The following CCBE1 variants were observed in gnomAD, a reference collection of about 807,000 sequenced individuals.
CCBE1 encodes the protein collagen and calcium binding EGF domains 1, also known as collagen and calcium-binding EGF domain-containing protein 1.
Under a neutral mutation model 50.0 loss-of-function variants are expected in CCBE1, and 37 were observed. That is an observed-to-expected ratio of 0.74 (90% CI 0.57 to 0.97). The LOEUF (loss-of-function observed/expected upper bound fraction) is 0.97, where lower values mean the gene tolerates loss of function less well. CCBE1 is among the 50% of genes least tolerant of loss of function. The pLI, the probability that CCBE1 is intolerant of heterozygous loss-of-function variation, is 0.00. For synonymous variants in CCBE1, 234 were observed against 203.7 expected, an observed-to-expected ratio of 1.15 and a Z score of -1.27; for missense variants, 538 against 523.8, an observed-to-expected ratio of 1.03 and a Z score of -0.26.
chr18:59,696,292 C>A (rs988470860), intron 2 of CCBE1, among the ~76,000 whole-genome samples: 1 of 152,180 alleles, frequency 6.6e-6, no homozygotes, highest in African/African-American at 2.4e-5. Flanking sequence ...AACACAAATA[C>A]GAAAGCAGCC....
At chr18:59,454,772 T>G in intron 6 of CCBE1, 79 bp downstream of exon 6, 1 of 1,179,980 alleles carries the variant, frequency 8.5e-7, no homozygotes, top group South Asian at 1.2e-5. Flanking sequence ...ATTTTCTTAT[T>G]TGTAAATATC....
At position 59,506,517 on chromosome 18, in the gene CCBE1, C is replaced by T. The variant is rs528057159; in HGVS notation, c.213-26279G>A. Among the ~76,000 whole-genome samples, 3 of 152,336 alleles carry T rather than the reference C, an allele frequency of 2.0e-5. No homozygotes were observed. In the South Asian group the frequency reaches 6.2e-4, roughly 32 times the overall value. ...AACCCCAGCAGAAGAAAACACTGTG[C>T]TGGGCAGACCACTTTCAGATGAGCA... On this transcript the variant is annotated intron_variant, in intron 2 of 10. Transcript: ENST00000439986.
At chr18:59,643,561 G>A (rs1436841567) in intron 2 of CCBE1, among the ~76,000 whole-genome samples, 1 of 152,204 alleles carries the variant, frequency 6.6e-6, no homozygotes, top group East Asian at 1.9e-4. Flanking sequence ...CACTTTGGAA[G>A]GCCGAGGTGG....
chr18:59,489,977 C>T (rs560631476), intron 2 of CCBE1, among the ~76,000 whole-genome samples: 9 of 142,496 alleles, frequency 6.3e-5, no homozygotes, highest in East Asian at 4.2e-4. Flanking sequence ...TACTTATATA[C>T]GCATAAGGAG....
At chr18:59,674,910 A>C (rs1198350284) in intron 2 of CCBE1, among the ~76,000 whole-genome samples, 1 of 152,232 alleles carries the variant, frequency 6.6e-6, no homozygotes, top group East Asian at 1.9e-4. Flanking sequence ...ATTTAGCTGT[A>C]AAACCTAAAC....
intron 2 of CCBE1, among the ~76,000 whole-genome samples, chr18:59,547,863 G>C (rs1334519906): frequency 6.6e-6 from 1 of 152,202 alleles, no homozygotes; most frequent in South Asian, 2.1e-4. Flanking sequence ...GATTCAGCAG[G>C]AGAAAACCGA....
At chr18:59,575,627 T>G (rs2052983845) in intron 2 of CCBE1, among the ~76,000 whole-genome samples, 1 of 152,078 alleles carries the variant, frequency 6.6e-6, no homozygotes. Context: ...CCTTGTAGAG[T>G]CTTGTGAATA....
chr18:59,671,114 T>A lies in CCBE1; in HGVS notation c.212+25515A>T, dbSNP rs188502410. On this transcript the variant is annotated intron_variant, in intron 2 of 10. Transcript: ENST00000439986. ...CTTTAATGATCATATTAAGGGAGAC[T>A]TAAGTATCACTGGGTTTGGGGAAAG... 8.5e-5 allele frequency among the ~76,000 whole-genome samples: 13 copies of A among 152,278 alleles called. No individual in the cohort carries two copies. The East Asian group carries it at 2.5e-3, about 29-fold the overall frequency.
rs1392121984 is a variant in CCBE1 at position 59,680,416 on chromosome 18, A to G, written c.212+16213T>C. ...TTGACAACGCATGTAAAGAACACCT[A>G]AAGGCCAGGCGCGGTGGTTTGCATG... On this transcript the variant is annotated intron_variant, in intron 2 of 10. Transcript: ENST00000439986. Among the ~76,000 whole-genome samples, 5 of 151,906 alleles carry G rather than the reference A, an allele frequency of 3.3e-5. No individual in the cohort carries two copies. In the East Asian group the frequency reaches 9.7e-4, roughly 29 times the overall value.
chr18:59,662,178 C>T (rs1368129605), intron 2 of CCBE1, among the ~76,000 whole-genome samples: 1 of 152,188 alleles, frequency 6.6e-6, no homozygotes, highest in Non-Finnish European at 1.5e-5. Context: ...CAAGACAGAA[C>T]TGCACAGACT....
At chr18:59,619,306 A>T (rs2053680906) in intron 2 of CCBE1, among the ~76,000 whole-genome samples, 1 of 152,114 alleles carries the variant, frequency 6.6e-6, no homozygotes, top group Non-Finnish European at 1.5e-5. Flanking sequence ...TTTATTTATC[A>T]TTATTATTTT....
chr18:59,518,652 A>G (rs556213091), intron 2 of CCBE1, among the ~76,000 whole-genome samples: 1 of 152,298 alleles, frequency 6.6e-6, no homozygotes, highest in East Asian at 1.9e-4. Context: ...ACGTGGATGA[A>G]GTGGACATTA....
chr18:59,517,883 GGGATT>G (rs1914441054), intron 2 of CCBE1, among the ~76,000 whole-genome samples: 1 of 152,196 alleles, frequency 6.6e-6, no homozygotes, highest in Non-Finnish European at 1.5e-5. Flanking sequence ...AAGGGGGCTG[GGGATT>G]CCCAAGATCA....
rs115277492 is a variant in CCBE1 at position 59,617,190 on chromosome 18, A to G, written c.212+79439T>C. On this transcript the variant is annotated intron_variant, in intron 2 of 10. Transcript: ENST00000439986. The stretch of plus-strand genomic sequence containing the variant: ...ATCATCATCACTGGAACATGGCATC[A>G]TATGATTTGGGGTTGAAAAAGTTAT... 4.1e-3 allele frequency among the ~76,000 whole-genome samples: 619 copies of G among 152,366 alleles called. 6 individuals carry two copies. The highest frequency in any genetic ancestry group is 0.014 in the African/African-American group (590 of 41,592).
chr18:59,575,611 G>C (rs1599027543), intron 2 of CCBE1, among the ~76,000 whole-genome samples: 1 of 152,322 alleles, frequency 6.6e-6, no homozygotes, highest in East Asian at 1.9e-4. Flanking sequence ...ATAAAGACCA[G>C]TTGACCCTTG....
intron 7 of CCBE1, among the ~76,000 whole-genome samples, chr18:59,442,651 C>G (rs1018562355): frequency 6.6e-5 from 10 of 152,102 alleles, no homozygotes; most frequent in Admixed American, 2.0e-4. Flanking sequence ...TCTCCTGAAC[C>G]TGGGAGGCAG....
intron 2 of CCBE1, among the ~76,000 whole-genome samples, chr18:59,552,319 C>A (rs79493913): frequency 0.046 from 7,032 of 152,262 alleles, 288 homozygotes; most frequent in African/African-American, 0.11. Context: ...ATTTTTCCCC[C>A]AGGATGTTCA....
At chr18:59,664,186 A>G (rs1296668634) in intron 2 of CCBE1, among the ~76,000 whole-genome samples, 1 of 152,080 alleles carries the variant, frequency 6.6e-6, no homozygotes, top group Non-Finnish European at 1.5e-5. Context: ...AGGGGCTTTT[A>G]TAAGGGCACA....
intron 2 of CCBE1, chr18:59,666,196 A>T (rs1161014202): frequency 1.3e-5 from 2 of 152,180 alleles, no homozygotes; most frequent in Non-Finnish European, 2.9e-5. Context: ...CTGTTTTTAA[A>T]ACCATCAGAT....
Sources: allele counts gnomAD v4.1 joint callset (sites outside exome capture counted in the v4.1 genomes callset), GRCh38; gene constraint gnomAD v4.1.1; transcripts MANE v1.5; gene names NCBI Gene and HGNC (gene_info 2026-07-23, HGNC 2026-07-21).